The following MEDAG variants were observed in gnomAD, a reference collection of about 807,000 sequenced individuals.
MEDAG encodes mesenteric estrogen-dependent adipogenesis protein.
Under a neutral mutation model 29.9 loss-of-function variants are expected in MEDAG, and 25 were observed. That is an observed-to-expected ratio of 0.84 (90% CI 0.61 to 1.17). The LOEUF is 1.17. Ranked by LOEUF, MEDAG falls within the 50% of genes most tolerant of loss-of-function variation. The pLI is 0.00. For synonymous variants in MEDAG, 158 were observed against 148.2 expected, an observed-to-expected ratio of 1.07 and a Z score of -0.48; for missense variants, 398 against 372.9, an observed-to-expected ratio of 1.07 and a Z score of -0.56.
At chr13:30,920,368 G>A (rs192938689) in intron 2 of MEDAG, among the ~76,000 whole-genome samples, 24 of 152,104 alleles carry the variant, frequency 1.6e-4, no homozygotes, top group Middle Eastern at 3.4e-3. Context: ...GGCAGATTGC[G>A]CAAGTTCAGG....
intron 2 of MEDAG, 35 bp from the exon 3 acceptor site, chr13:30,920,979 A>G (rs747717311): frequency 2.6e-6 from 4 of 1,549,034 alleles, no homozygotes; most frequent in Non-Finnish European, 3.6e-6. Flanking sequence ...TCACATGGAC[A>G]CACTTGTTTC....
At chr13:30,910,427 T>C (rs755869114) in intron 1 of MEDAG, among the ~76,000 whole-genome samples, 13 of 152,222 alleles carry the variant, frequency 8.5e-5, no homozygotes, top group Non-Finnish European at 1.6e-4. Context: ...GTTTACAAAG[T>C]TTGCATTACT....
rs745329303 is a variant in MEDAG at position 30,921,632 on chromosome 13, C to G, written c.573C>G (p.Ser191Arg). Residue 191 changes from serine to arginine, a missense_variant, in exon 4 of 5, where the codon AGC becomes AGG. Physicochemically the swap from Ser to Arg is moderately radical, Grantham distance 110. Coordinates refer to ENST00000380482, the MANE Select transcript of MEDAG (RefSeq NM_032849.4). ...GNEVVNGENL[S>R]FAYEFKADAL... ...AAGTGGTTAATGGAGAAAATTTAAG[C>G]TTTGCATATGAATTCAAAGCTGATG... 2 of 1,613,300 alleles carry G rather than the reference C, an allele frequency of 1.2e-6. No individual in the cohort carries two copies. The highest frequency in any genetic ancestry group is 1.7e-6 in the Non-Finnish European group (2 of 1,179,842).
At chr13:30,914,280 G>A (rs1952907423) in intron 1 of MEDAG, among the ~76,000 whole-genome samples, 1 of 152,210 alleles carries the variant, frequency 6.6e-6, no homozygotes, top group Non-Finnish European at 1.5e-5. Context: ...GCTGGGGATG[G>A]AGGAATTAAT....
chr13:30,915,199 AC>A (rs1431228049), intron 1 of MEDAG, among the ~76,000 whole-genome samples: 1 of 151,036 alleles, frequency 6.6e-6, no homozygotes, highest in South Asian at 2.1e-4. Context: ...CCTTCTCTTC[AC>A]CCCCTTCCCA....
At chr13:30,920,689 T>C (rs1026369693) in intron 2 of MEDAG, among the ~76,000 whole-genome samples, 2 of 152,122 alleles carry the variant, frequency 1.3e-5, no homozygotes, top group Admixed American at 1.3e-4. Context: ...ATACATGCTG[T>C]GGAGGCACAG....
intron 4 of MEDAG, 37 bp from the exon 5 acceptor site, chr13:30,924,274 G>A: frequency 1.3e-6 from 2 of 1,555,608 alleles, no homozygotes; most frequent in Non-Finnish European, 1.7e-6. Context: ...TTCTTTCAGT[G>A]ATGGTAATAA....
intron 1 of MEDAG, among the ~76,000 whole-genome samples, chr13:30,909,835 G>A (rs1029509025): frequency 2.0e-5 from 3 of 152,038 alleles, no homozygotes; most frequent in African/African-American, 4.8e-5. Context: ...TTATTCACTC[G>A]CTAAGAGAGC....
intron 2 of MEDAG, among the ~76,000 whole-genome samples, chr13:30,919,732 G>A (rs2138125850): frequency 6.6e-6 from 1 of 152,322 alleles, no homozygotes; most frequent in South Asian, 2.1e-4. Context: ...CAAAGTCAGT[G>A]TAAAACACTG....
At chr13:30,915,075 A>G (rs1952914615) in intron 1 of MEDAG, among the ~76,000 whole-genome samples, 1 of 151,988 alleles carries the variant, frequency 6.6e-6, no homozygotes, top group Non-Finnish European at 1.5e-5. Context: ...TCACCCATCT[A>G]TTTTGTTATG....
At chr13:30,913,438 G>A (rs1174937202) in intron 1 of MEDAG, among the ~76,000 whole-genome samples, 1 of 152,084 alleles carries the variant, frequency 6.6e-6, no homozygotes, top group Non-Finnish European at 1.5e-5. Context: ...GAACTGTGTT[G>A]CCCAGGCTGG....
chr13:30,918,731 T>G (rs1952953880), intron 2 of MEDAG, among the ~76,000 whole-genome samples: 2 of 152,194 alleles, frequency 1.3e-5, no homozygotes, highest in South Asian at 4.1e-4. Context: ...TTCAAATAGA[T>G]TTCCCCAAAC....
chr13:30,924,494 T>TG lies in MEDAG; in HGVS notation c.*65dup, dbSNP rs1195770431. The TG allele has an allele frequency of 5.2e-6, 8 of 1,540,558 alleles. No homozygotes were observed. Among genetic ancestry groups the TG allele is most frequent in the Non-Finnish European group, 7.0e-6 (8 of 1,139,570 alleles). On this transcript the variant is annotated 3_prime_UTR_variant, in exon 5 of 5. Transcript: ENST00000380482. ...TCCAGGCCTGTGCTAGACTATAGGC[T>TG]GGGGGGAGGGTAGGAGGTGGGAGGC... is the stretch of plus-strand genomic sequence containing the variant.
intron 1 of MEDAG, chr13:30,908,693 C>T (rs1952852706): frequency 6.8e-6 from 1 of 147,328 alleles, no homozygotes; most frequent in Non-Finnish European, 1.5e-5. Flanking sequence ...TCCCTCCCCT[C>T]CCTCCCTCCC....
intron 1 of MEDAG, among the ~76,000 whole-genome samples, chr13:30,913,201 G>T (rs542366531): frequency 1.3e-5 from 2 of 152,148 alleles, no homozygotes; most frequent in East Asian, 3.9e-4. Context: ...TTTTTTGTTT[G>T]GCTGGTTGCT....
chr13:30,914,368 A>G (rs1179696908), intron 1 of MEDAG, among the ~76,000 whole-genome samples: 2 of 152,174 alleles, frequency 1.3e-5, no homozygotes, highest in Non-Finnish European at 2.9e-5. Flanking sequence ...TCTTGTCTGT[A>G]AGTTCTGGCA....
At chr13:30,911,995 T>C (rs571179036) in intron 1 of MEDAG, among the ~76,000 whole-genome samples, 3 of 152,302 alleles carry the variant, frequency 2.0e-5, no homozygotes, top group Non-Finnish European at 2.9e-5. Context: ...TAGGAGACTA[T>C]ATGCTTCTTA....
Position 30,921,045 on chromosome 13 carries a change from G to A in MEDAG, c.420G>A (p.Arg140=). The change falls in exon 3 of 5, where the codon AGG becomes AGA. Residue 140 remains arginine (R), a synonymous_variant. Transcript: ENST00000380482. ...CGTACGCGTTTCTTGTAAACACGAG[G>A]CACCCCAAGATAAGAAGACAGATAG... ...ERTYAFLVNT[R]HPKIRRQIEQ... is the part of the protein sequence containing the mutation. The A allele has an allele frequency of 2.5e-6, 4 of 1,614,070 alleles. No individual in the cohort carries two copies. The highest frequency in any genetic ancestry group is 3.4e-6 in the Non-Finnish European group (4 of 1,179,988).
intron 2 of MEDAG, among the ~76,000 whole-genome samples, chr13:30,919,397 A>G (rs1019119039): frequency 2.1e-5 from 3 of 145,754 alleles, no homozygotes; most frequent in African/African-American, 5.1e-5. Flanking sequence ...AATGTGAATG[A>G]CAGCCTCTAG....
Sources: allele counts gnomAD v4.1 joint callset (sites outside exome capture counted in the v4.1 genomes callset), GRCh38; gene constraint gnomAD v4.1.1; transcripts MANE v1.5; gene names NCBI Gene and HGNC (gene_info 2026-07-23, HGNC 2026-07-21).